Variants in TBC1D5 observed in about 807,000 individuals in gnomAD.
TBC1D5 encodes the protein TBC1 domain family, member 5.
A neutral mutation model predicts 100.3 loss-of-function variants in TBC1D5; 75 were observed. The ratio of observed to expected loss-of-function variants is 0.75; its 90% CI spans 0.62 to 0.91. TBC1D5 has a LOEUF of 0.91. TBC1D5 is among the 40% of genes least tolerant of loss of function. The probability of loss-of-function intolerance (pLI) is 0.00; values close to 1 mark genes in which losing one functional copy is unlikely to be tolerated. For synonymous variants in TBC1D5, 323 were observed against 325.6 expected (o/e 0.99, Z 0.09); for missense variants, 910 against 942.4 (o/e 0.97, Z 0.45).
intron 16 of TBC1D5, among the ~76,000 whole-genome samples, chr3:17,239,429 C>A (rs999740164): frequency 3.3e-5 from 5 of 152,106 alleles, no homozygotes; most frequent in African/African-American, 1.2e-4. Flanking sequence ...ACACTAAATT[C>A]TCTACTGAAC....
At chr3:17,380,740 G>A (rs2092913697) in intron 9 of TBC1D5, among the ~76,000 whole-genome samples, 1 of 151,970 alleles carries the variant, frequency 6.6e-6, no homozygotes, top group Non-Finnish European at 1.5e-5. Context: ...ATCTGCCTGT[G>A]TTCATTTAGC....
chr3:17,196,618 A>T (rs889512941), intron 18 of TBC1D5, among the ~76,000 whole-genome samples: 10 of 152,250 alleles, frequency 6.6e-5, no homozygotes. Flanking sequence ...GAGTCAAAGC[A>T]TATGAGTCAG....
At chr3:17,466,311 G>T (rs2095300792) in intron 3 of TBC1D5, among the ~76,000 whole-genome samples, 1 of 152,132 alleles carries the variant, frequency 6.6e-6, no homozygotes, top group Non-Finnish European at 1.5e-5. Flanking sequence ...GTGAGCTTCT[G>T]CTATGTGCCT....
intron 3 of TBC1D5, among the ~76,000 whole-genome samples, chr3:17,504,715 C>A (rs890476216): frequency 3.3e-5 from 5 of 152,152 alleles, no homozygotes; most frequent in African/African-American, 1.2e-4. Context: ...ATGACTCCAG[C>A]TAGTTAGCCC....
chr3:17,695,823 T>A (rs756965092), intron 1 of TBC1D5, among the ~76,000 whole-genome samples: 22 of 152,194 alleles, frequency 1.4e-4, no homozygotes, highest in Non-Finnish European at 2.9e-4. Context: ...TCGCACTTAT[T>A]CTAAAACTGA....
intron 1 of TBC1D5, among the ~76,000 whole-genome samples, chr3:17,685,966 C>G (rs534005332): frequency 6.6e-6 from 1 of 152,042 alleles, no homozygotes. Context: ...AATGGGAAGT[C>G]GACATTATTA....
chr3:17,681,991 T>C (rs370805511), intron 1 of TBC1D5, among the ~76,000 whole-genome samples: 2 of 151,584 alleles, frequency 1.3e-5, no homozygotes, highest in African/African-American at 4.9e-5. Flanking sequence ...AGAATCTAAC[T>C]AATGCTTGAT....
chr3:17,649,727 C>T (rs1313074915), intron 1 of TBC1D5, among the ~76,000 whole-genome samples: 1 of 152,112 alleles, frequency 6.6e-6, no homozygotes, highest in East Asian at 1.9e-4. Flanking sequence ...TTGTGGAAGA[C>T]AGTGTGGCGA....
At chr3:17,204,440 T>C (rs1411186680) in intron 18 of TBC1D5, among the ~76,000 whole-genome samples, 1 of 152,246 alleles carries the variant, frequency 6.6e-6, no homozygotes, top group African/African-American at 2.4e-5. Context: ...TAATTTAGCA[T>C]GATTCAAACC....
intron 4 of TBC1D5, among the ~76,000 whole-genome samples, chr3:17,415,277 C>G (rs1225730451): frequency 6.6e-6 from 1 of 152,140 alleles, no homozygotes; most frequent in Non-Finnish European, 1.5e-5. Flanking sequence ...CTGCCTCAGC[C>G]TCCCCAGGTA....
chr3:17,248,398 T>C (rs1029599045), intron 16 of TBC1D5, among the ~76,000 whole-genome samples: 1 of 152,230 alleles, frequency 6.6e-6, no homozygotes, highest in Non-Finnish European at 1.5e-5. Flanking sequence ...CATCCTCCCA[T>C]GAATCATGAA....
intron 2 of TBC1D5, among the ~76,000 whole-genome samples, chr3:17,594,639 A>G (rs2060449230): frequency 1.3e-5 from 2 of 152,332 alleles, no homozygotes; most frequent in African/African-American, 4.8e-5. Flanking sequence ...CCTTTATCAC[A>G]TGACATAGAT....
At chr3:17,467,152 T>G (rs1288012310) in intron 3 of TBC1D5, among the ~76,000 whole-genome samples, 1 of 152,152 alleles carries the variant, frequency 6.6e-6, no homozygotes, top group African/African-American at 2.4e-5. Context: ...AGATAAAATG[T>G]ACACTAAACA....
intron 15 of TBC1D5, among the ~76,000 whole-genome samples, chr3:17,277,438 A>T (rs1309185834): frequency 6.6e-6 from 1 of 152,050 alleles, no homozygotes; most frequent in African/African-American, 2.4e-5. Context: ...ATAGAATAGT[A>T]ATTATTATTA....
At position 17,601,014 on chromosome 3, in the gene TBC1D5, T is replaced by C. The variant is rs186161104; in HGVS notation, c.-36+22835A>G. On this transcript the variant is annotated intron_variant, in intron 2 of 21. Transcript: ENST00000253692. ...AGACTGATAATCCTACTTAGAATAA[T>C]AGCCTTCCCAGTCCTCCCTACAGGA... is the stretch of plus-strand genomic sequence containing the variant. Among the ~76,000 whole-genome samples, 466 of 152,312 alleles carry C rather than the reference T, an allele frequency of 3.1e-3. 4 individuals carry two copies. The highest frequency in any genetic ancestry group is 0.011 in the African/African-American group (440 of 41,576).
At chr3:17,384,561 C>T (rs1357758841) in intron 8 of TBC1D5, among the ~76,000 whole-genome samples, 1 of 151,602 alleles carries the variant, frequency 6.6e-6, no homozygotes, top group Admixed American at 6.6e-5. Flanking sequence ...CACAGCAACA[C>T]AATACACAAT....
chr3:17,508,449 A>T (rs1322886524), intron 3 of TBC1D5, 25 bp downstream of exon 3: 7 of 1,577,194 alleles, frequency 4.4e-6, no homozygotes, highest in Non-Finnish European at 6.1e-6. Context: ...ACTACCTACA[A>T]ATAGTATTGG....
At chr3:17,470,376 T>A (rs961624855) in intron 3 of TBC1D5, among the ~76,000 whole-genome samples, 4 of 152,304 alleles carry the variant, frequency 2.6e-5, no homozygotes, top group Admixed American at 6.5e-5. Context: ...ACCAATTTTT[T>A]AAAAAATAAA....
At chr3:17,459,725 C>T (rs934021338) in intron 3 of TBC1D5, among the ~76,000 whole-genome samples, 4 of 150,174 alleles carry the variant, frequency 2.7e-5, no homozygotes, top group Admixed American at 6.6e-5. Context: ...TTAGTGTAAC[C>T]GATCTCTTAA....
Sources: allele counts gnomAD v4.1 joint callset (sites outside exome capture counted in the v4.1 genomes callset), GRCh38; gene constraint gnomAD v4.1.1; transcripts MANE v1.5; gene names NCBI Gene and HGNC (gene_info 2026-07-23, HGNC 2026-07-21).